CUEDC1: variants seen among roughly 807,000 people sequenced by gnomAD.
CUEDC1 encodes the protein CUE domain containing 1, also known as CUE domain-containing protein 1.
In CUEDC1, 30 loss-of-function variants were observed where a neutral mutation model predicts 43.7. The ratio of observed to expected loss-of-function variants is 0.69; its 90% CI spans 0.51 to 0.93. The LOEUF is 0.93. Ranked by LOEUF, CUEDC1 falls within the 40% of genes least tolerant of loss-of-function variation. The pLI, the probability that CUEDC1 is intolerant of heterozygous loss-of-function variation, is 0.00. For synonymous variants in CUEDC1, 223 were observed against 223.6 expected, an observed-to-expected ratio of 1.00 and a Z score of 0.02; for missense variants, 486 against 549.0, an observed-to-expected ratio of 0.89 and a Z score of 1.15.
chr17:57,948,603 T>C (rs1040705580), intron 1 of CUEDC1, among the ~76,000 whole-genome samples: 1 of 152,240 alleles, frequency 6.6e-6, no homozygotes, highest in Non-Finnish European at 1.5e-5. Context: ...CGAGCTGACA[T>C]GGACCTCTAG....
chr17:57,948,915 G>A (rs1035030411), intron 1 of CUEDC1, among the ~76,000 whole-genome samples: 2 of 152,140 alleles, frequency 1.3e-5, no homozygotes. Flanking sequence ...TTCACTGCAG[G>A]CATTACAAGA....
chr17:57,869,426 A>C (rs748762442), intron 6 of CUEDC1, among the ~76,000 whole-genome samples: 1 of 152,174 alleles, frequency 6.6e-6, no homozygotes, highest in Non-Finnish European at 1.5e-5. Context: ...GTGTGTGCAG[A>C]CAGCCAGCTC....
chr17:57,914,174 G>A (rs1567715633), intron 1 of CUEDC1, among the ~76,000 whole-genome samples: 1 of 152,228 alleles, frequency 6.6e-6, no homozygotes, highest in African/African-American at 2.4e-5. Flanking sequence ...GTCTATTTAT[G>A]TTGATCAGAA....
At chr17:57,916,917 C>T (rs758462051) in intron 1 of CUEDC1, among the ~76,000 whole-genome samples, 12 of 152,188 alleles carry the variant, frequency 7.9e-5, no homozygotes, top group African/African-American at 2.4e-4. Flanking sequence ...GGAGTAACTT[C>T]CAGGGGAAAG....
At chr17:57,881,912 G>A (rs2074210238) in intron 2 of CUEDC1, among the ~76,000 whole-genome samples, 1 of 152,184 alleles carries the variant, frequency 6.6e-6, no homozygotes, top group African/African-American at 2.4e-5. Context: ...CCAGAATGCA[G>A]GGCCCGAGTC....
intron 8 of CUEDC1, 137 bp downstream of exon 8, chr17:57,868,013 A>AG (rs1194588563): frequency 1.4e-6 from 1 of 702,094 alleles, no homozygotes; most frequent in Non-Finnish European, 2.5e-6. Context: ...CATGGAGGAG[A>AG]GGGGAGGAGG....
intron 1 of CUEDC1, among the ~76,000 whole-genome samples, chr17:57,935,643 T>C (rs1188030387): frequency 6.6e-6 from 1 of 152,072 alleles, no homozygotes; most frequent in Non-Finnish European, 1.5e-5. Context: ...CTGAAAGGCT[T>C]CCACAGGGAA....
chr17:57,939,941 A>C (rs1416043829), intron 1 of CUEDC1, among the ~76,000 whole-genome samples: 5 of 144,970 alleles, frequency 3.4e-5, no homozygotes, highest in Non-Finnish European at 3.0e-5. Context: ...CCACACCCCC[A>C]CACACCCCCG....
At chr17:57,884,192 C>CT (rs780667346) in intron 2 of CUEDC1, among the ~76,000 whole-genome samples, 1,371 of 81,312 alleles carry the variant, frequency 0.017, 17 homozygotes, top group African/African-American at 0.023. Context: ...TTTTTCTTTT[C>CT]TTTTTTTTTT....
intron 1 of CUEDC1, among the ~76,000 whole-genome samples, chr17:57,929,719 A>C (rs1053549636): frequency 2.0e-5 from 3 of 152,120 alleles, no homozygotes; most frequent in African/African-American, 7.2e-5. Context: ...CATACAAGAC[A>C]CTCAAACAAG....
At chr17:57,872,979 A>G in intron 4 of CUEDC1, 124 bp from the exon 5 acceptor site, 1 of 890,552 alleles carries the variant, frequency 1.1e-6, no homozygotes, top group Non-Finnish European at 1.7e-6. Context: ...TGAGGCTCAC[A>G]CCTCCTAATG....
intron 1 of CUEDC1, among the ~76,000 whole-genome samples, chr17:57,932,495 G>A (rs2074816038): frequency 6.8e-6 from 1 of 146,474 alleles, no homozygotes; most frequent in South Asian, 2.2e-4. Flanking sequence ...CGAGGCAGGA[G>A]AATGTTGTGA....
chr17:57,925,256 G>A (rs992271399), intron 1 of CUEDC1, among the ~76,000 whole-genome samples: 2 of 152,098 alleles, frequency 1.3e-5, no homozygotes, highest in Non-Finnish European at 2.9e-5. Context: ...TACCCAGGGG[G>A]CAAGGGGAAC....
intron 1 of CUEDC1, among the ~76,000 whole-genome samples, chr17:57,900,940 G>A (rs1462393739): frequency 7.9e-5 from 12 of 152,126 alleles, no homozygotes; most frequent in Admixed American, 5.9e-4. Flanking sequence ...GGACGGTGGC[G>A]ACCACCTTCC....
intron 1 of CUEDC1, among the ~76,000 whole-genome samples, chr17:57,905,820 A>T (rs2143029080): frequency 6.6e-6 from 1 of 152,330 alleles, no homozygotes; most frequent in South Asian, 2.1e-4. Flanking sequence ...GATATGCACC[A>T]AATCCAAGGC....
At position 57,861,810 on chromosome 17, in the gene CUEDC1, C is replaced by G. The variant is rs1170487517; in HGVS notation, c.*1479G>C. On this transcript the variant is annotated 3_prime_UTR_variant, in exon 11 of 11. Coordinates refer to ENST00000577830, the MANE Select transcript of CUEDC1 (RefSeq NM_001271875.2). ...CCGAGGCACTCCTCGGAGACCCCCC[C>G]CCCTCCCTCCAGGGCCCCAGGCCTG... is the stretch of plus-strand genomic sequence containing the variant. The G allele has an allele frequency of 6.6e-6, 1 of 151,296 alleles. No individual in the cohort carries two copies. The highest frequency in any genetic ancestry group is 2.4e-5 in the African/African-American group (1 of 40,968). The allele number at this position is 151,296 out of a possible 1,614,324, so 9.4% of individuals were successfully genotyped here. A position where few individuals can be genotyped will look rare whatever the true frequency, so the allele number is the denominator to read the frequency against.
chr17:57,927,006 G>GA (rs2074753661), intron 1 of CUEDC1, among the ~76,000 whole-genome samples: 1 of 152,218 alleles, frequency 6.6e-6, no homozygotes. Context: ...AGGCCCAGAT[G>GA]AAAGGGAGGC....
chr17:57,864,000 C>CAAA (rs71365846), intron 10 of CUEDC1, among the ~76,000 whole-genome samples: 11 of 82,540 alleles, frequency 1.3e-4, no homozygotes, highest in Middle Eastern at 7.7e-3. Context: ...GACTCCATCT[C>CAAA]AAAAAAAAAA....
chr17:57,896,487 GGTGTGTGTGTGTGTGTGTGTGTGT>G (rs1555660568), intron 1 of CUEDC1, among the ~76,000 whole-genome samples: 1 of 130,282 alleles, frequency 7.7e-6, no homozygotes, highest in Non-Finnish European at 1.6e-5. Flanking sequence ...TGCATTATGG[GGTGTGTGTGTGTGTGTGTGTGTGT>G]GTGTGTGTGT....
Sources: gnomAD v4.1 joint callset for allele counts (sites outside exome capture counted in the v4.1 genomes callset) on GRCh38, gnomAD v4.1.1 for gene constraint, MANE v1.5 for transcripts, NCBI Gene and HGNC (gene_info 2026-07-23, HGNC 2026-07-21) for gene names.